SYTL5: variants seen among roughly 807,000 people sequenced by gnomAD.
The protein encoded by SYTL5 is synaptotagmin-like protein 5.
Under a neutral mutation model 55.9 loss-of-function variants are expected in SYTL5, and 34 were observed. The ratio of observed to expected loss-of-function variants is 0.61; its 90% CI spans 0.46 to 0.81. The LOEUF is 0.81. SYTL5 is among the 30% of genes least tolerant of loss of function. The pLI, the probability that SYTL5 is intolerant of heterozygous loss-of-function variation, is 0.00. For missense variants in SYTL5, 637 were observed against 546.7 expected (o/e 1.17, Z -1.65); for synonymous variants, 221 against 188.7 (o/e 1.17, Z -1.40).
intron 3 of SYTL5, among the ~76,000 whole-genome samples, chrX:38,069,816 A>G (rs1463317255): frequency 8.9e-6 from 1 of 112,112 alleles, no homozygotes; most frequent in Non-Finnish European, 1.9e-5. Flanking sequence ...TTTCGAATTT[A>G]GAATACCACA....
chrX:38,117,034 A>C (rs1359586969), intron 13 of SYTL5, among the ~76,000 whole-genome samples: 1 of 112,263 alleles, frequency 8.9e-6, no homozygotes, highest in Non-Finnish European at 1.9e-5. Flanking sequence ...TGCCTTATAA[A>C]AATGTAAGCA....
the SYTL5 span, among the ~76,000 whole-genome samples, chrX:37,897,036 A>C: frequency 1.8e-5 from 2 of 111,776 alleles, no homozygotes; most frequent in Non-Finnish European, 3.8e-5. Flanking sequence ...ACATTTGAAC[A>C]AACATTTGAA....
intron 7 of SYTL5, among the ~76,000 whole-genome samples, chrX:38,094,052 G>A (rs182640274): frequency 9.0e-6 from 1 of 111,151 alleles, no homozygotes; most frequent in East Asian, 2.8e-4. Context: ...TGGGGAATGA[G>A]AAATTGTCCG....
At chrX:38,089,645 A>G in intron 7 of SYTL5, 58 bp downstream of exon 7, 1 of 1,101,257 alleles carries the variant, frequency 9.1e-7, no homozygotes, top group Non-Finnish European at 1.2e-6. Flanking sequence ...GCTATAAAGA[A>G]CTGCCAGAGA....
At chrX:38,002,673 G>A (rs1325825502), upstream of SYTL5, among the ~76,000 whole-genome samples, 1 of 112,144 alleles carries the variant, frequency 8.9e-6, no homozygotes, top group African/African-American at 3.2e-5. Flanking sequence ...CTTTTGAGAC[G>A]TGTCTGTTCA....
intron 2 of SYTL5, among the ~76,000 whole-genome samples, chrX:38,036,639 G>T (rs902308377): frequency 1.2e-4 from 14 of 112,024 alleles, no homozygotes; most frequent in African/African-American, 3.9e-4. Context: ...TATGACTCAG[G>T]CTTCACCACT....
the SYTL5 span, among the ~76,000 whole-genome samples, chrX:37,917,984 T>G: frequency 3.6e-5 from 4 of 111,780 alleles, no homozygotes; most frequent in African/African-American, 1.3e-4. Flanking sequence ...CCCCTGATGA[T>G]CAAGCAGTGT....
chrX:37,962,907 T>A, the SYTL5 span, among the ~76,000 whole-genome samples: 1 of 111,706 alleles, frequency 9.0e-6, no homozygotes, highest in Non-Finnish European at 1.9e-5. Flanking sequence ...CACCTCCAAA[T>A]ACTATCAACA....
chrX:37,948,856 G>A, the SYTL5 span, among the ~76,000 whole-genome samples: 16 of 111,179 alleles, frequency 1.4e-4, no homozygotes, highest in Admixed American at 1.2e-3. Flanking sequence ...ACTTAGTTTC[G>A]CTATTGTGAA....
At chrX:38,053,337 T>C (rs749795976) in intron 2 of SYTL5, among the ~76,000 whole-genome samples, 39 of 112,856 alleles carry the variant, frequency 3.5e-4, no homozygotes, top group African/African-American at 1.2e-3. Flanking sequence ...CTGGGAACTT[T>C]ACATTTATCA....
chrX:37,928,468 T>C, the SYTL5 span, among the ~76,000 whole-genome samples: 1 of 111,237 alleles, frequency 9.0e-6, no homozygotes, highest in African/African-American at 3.3e-5. Flanking sequence ...ACCTTTGTCT[T>C]ACACTTACCA....
In SYTL5 at chrX:38,035,522, C is replaced by G. The variant is rs1024319470; in HGVS notation, c.119+1514C>G. ...GGGAGAATGGCATGAACCCGGGAGGCGGAGCTTGCAGTGAGCCGAGATTGC... is the reference window on the plus strand; with the variant it reads ...GGGAGAATGGCATGAACCCGGGAGGGGGAGCTTGCAGTGAGCCGAGATTGC... On this transcript the variant is annotated intron_variant, in intron 2 of 16. Coordinates refer to ENST00000297875, the MANE Select transcript of SYTL5 (RefSeq NM_138780.3). Among the ~76,000 whole-genome samples the G allele has an allele frequency of 3.9e-5, 4 of 103,755 alleles. No homozygotes were observed. In the South Asian group the frequency reaches 1.4e-3, roughly 36 times the overall value. The allele number at this position is 103,755 out of a possible 115,157, so 90.1% of individuals were successfully genotyped here.
At chrX:37,995,276 T>C in the SYTL5 span, among the ~76,000 whole-genome samples, 1 of 111,500 alleles carries the variant, frequency 9.0e-6, no homozygotes, top group Non-Finnish European at 1.9e-5. Context: ...AACAAAGGTC[T>C]GAAATCAGAG....
chrX:38,081,501 A>G (rs1936530057), intron 6 of SYTL5, among the ~76,000 whole-genome samples: 1 of 111,824 alleles, frequency 8.9e-6, no homozygotes, highest in Non-Finnish European at 1.9e-5. Context: ...TGCCCACCAT[A>G]TGCACAAATA....
chrX:38,012,630 A>G (rs921707437), intron 1 of SYTL5, among the ~76,000 whole-genome samples: 29 of 112,383 alleles, frequency 2.6e-4, no homozygotes, highest in African/African-American at 8.7e-4. Context: ...AAACAGGTTT[A>G]CTTAATACAA....
At chrX:37,905,883 G>A in the SYTL5 span, among the ~76,000 whole-genome samples, 11 of 113,148 alleles carry the variant, frequency 9.7e-5, no homozygotes, top group Admixed American at 6.4e-4. Flanking sequence ...GGGGGCATCC[G>A]GCTGTGAGCC....
intron 2 of SYTL5, among the ~76,000 whole-genome samples, chrX:38,043,305 G>C (rs1017032803): frequency 5.5e-5 from 6 of 109,407 alleles, no homozygotes; most frequent in Admixed American, 9.9e-5. Flanking sequence ...GAACATTAAA[G>C]TCTCACATAG....
the SYTL5 span, among the ~76,000 whole-genome samples, chrX:37,961,033 C>G: frequency 0.032 from 3,559 of 109,736 alleles, 140 homozygotes; most frequent in African/African-American, 0.11. Flanking sequence ...ATCCACCTGC[C>G]TCGGCCTCCC....
the SYTL5 span, among the ~76,000 whole-genome samples, chrX:37,902,095 A>T: frequency 8.0e-5 from 9 of 112,183 alleles, no homozygotes; most frequent in African/African-American, 2.9e-4. Context: ...TGAAAGGAAA[A>T]ATCCCTCAAT....
Sources: gnomAD v4.1 joint callset for allele counts (sites outside exome capture counted in the v4.1 genomes callset) on GRCh38, gnomAD v4.1.1 for gene constraint, MANE v1.5 for transcripts, NCBI Gene and HGNC (gene_info 2026-07-23, HGNC 2026-07-21) for gene names.